Variants in ZEB2 observed in about 807,000 individuals in gnomAD.
ZEB2 encodes the protein zinc finger E-box-binding homeobox 2.
ZEB2 carries 6 observed loss-of-function variants against 99.9 expected under a neutral mutation model. The observed-to-expected ratio is 0.06, with a 90% confidence interval of 0.03 to 0.12. The LOEUF (loss-of-function observed/expected upper bound fraction) is 0.12. ZEB2 is among the 10% of genes least tolerant of loss of function. The pLI is 1.00. For synonymous variants in ZEB2, 517 were observed against 542.5 expected (o/e 0.95, Z 0.65); for missense variants, 969 against 1,502.8 (o/e 0.64, Z 5.87).
rs891570300 is a variant in ZEB2 at position 144,491,369 on chromosome 2, A to AC, written c.73+25908_73+25909insG. Among the ~76,000 whole-genome samples, 6 of 152,186 alleles carry AC rather than the reference A, an allele frequency of 3.9e-5. No homozygotes were observed. The South Asian group carries it at 8.3e-4, about 21-fold the overall frequency. ...TTTCTTCTCAAGAGAAAAAAAAAAAAAAAAACGACCTAATACTGTTAATGA... is the reference window on the plus strand; with the variant it reads ...TTTCTTCTCAAGAGAAAAAAAAAAAACAAAAACGACCTAATACTGTTAATGA... On this transcript the variant is annotated intron_variant, in intron 2 of 9. Transcript: ENST00000627532.
At chr2:144,435,048 T>A (rs1381710226) in intron 2 of ZEB2, among the ~76,000 whole-genome samples, 1 of 152,190 alleles carries the variant, frequency 6.6e-6, no homozygotes, top group Non-Finnish European at 1.5e-5. Flanking sequence ...ACTGGTATAA[T>A]CACTGAAATA....
intron 2 of ZEB2, among the ~76,000 whole-genome samples, chr2:144,505,622 G>A (rs1704942814): frequency 6.6e-6 from 1 of 152,178 alleles, no homozygotes; most frequent in Non-Finnish European, 1.5e-5. Flanking sequence ...CTGGGAGTGG[G>A]GGGTGTGGTT....
At chr2:144,409,683 C>CA (rs1703432655) in intron 4 of ZEB2, among the ~76,000 whole-genome samples, 1 of 151,832 alleles carries the variant, frequency 6.6e-6, no homozygotes. Flanking sequence ...TTTCTCTATC[C>CA]AAAAAAAGAA....
Position 144,448,201 on chromosome 2 carries a change from C to T in ZEB2, c.74-18175G>A, listed in dbSNP as rs190865924. Among the ~76,000 whole-genome samples the T allele has an allele frequency of 8.6e-4, 131 of 152,232 alleles. 2 individuals are homozygous for T. In the East Asian group the frequency reaches 0.024, roughly 28 times the overall value. ...TTACAGTGGTAAGATTTTATTTTTA[C>T]TCCGTTTCTAAGTTGGATAAAGGGC... On this transcript the variant is annotated intron_variant, in intron 2 of 9. Coordinates refer to ENST00000627532, the MANE Select transcript of ZEB2 (RefSeq NM_014795.4).
At chr2:144,395,083 C>A (rs1474609257) in intron 9 of ZEB2, among the ~76,000 whole-genome samples, 2 of 149,386 alleles carry the variant, frequency 1.3e-5, no homozygotes, top group African/African-American at 2.5e-5. Flanking sequence ...GCAGCATCGA[C>A]CTCTTGGGCT....
chr2:144,478,965 C>T (rs558034869), intron 2 of ZEB2, among the ~76,000 whole-genome samples: 24 of 152,222 alleles, frequency 1.6e-4, no homozygotes, highest in Non-Finnish European at 2.4e-4. Context: ...GCTACAGTAA[C>T]GTATAAAAAT....
At chr2:144,513,558 G>C (rs1164831129) in intron 2 of ZEB2, 9 of 1,528,728 alleles carry the variant, frequency 5.9e-6, no homozygotes, top group Non-Finnish European at 7.0e-6. Flanking sequence ...TTTGATTTTT[G>C]CTACAACGTG....
At chr2:144,443,288 C>T (rs1277183107) in intron 2 of ZEB2, among the ~76,000 whole-genome samples, 1 of 152,036 alleles carries the variant, frequency 6.6e-6, no homozygotes, top group Non-Finnish European at 1.5e-5. Flanking sequence ...AGTTTTTTAG[C>T]TAAAGGGCCA....
chr2:144,478,604 A>G (rs139871755), intron 2 of ZEB2, among the ~76,000 whole-genome samples: 111 of 152,366 alleles, frequency 7.3e-4, no homozygotes, highest in African/African-American at 2.5e-3. Context: ...AGGAAACACA[A>G]TGAAAACACT....
At chr2:144,473,601 G>A (rs184839497) in intron 2 of ZEB2, among the ~76,000 whole-genome samples, 12 of 152,282 alleles carry the variant, frequency 7.9e-5, no homozygotes, top group African/African-American at 2.4e-4. Flanking sequence ...GCTGTCAGGT[G>A]TGCAGGAATC....
At chr2:144,469,495 T>C (rs1471135697) in intron 2 of ZEB2, among the ~76,000 whole-genome samples, 3 of 152,154 alleles carry the variant, frequency 2.0e-5, no homozygotes, top group African/African-American at 7.2e-5. Context: ...ATTCTACACC[T>C]AGCCCATAAC....
chr2:144,411,312 A>G (rs1369169292), intron 4 of ZEB2, among the ~76,000 whole-genome samples: 2 of 151,924 alleles, frequency 1.3e-5, no homozygotes, highest in Non-Finnish European at 2.9e-5. Flanking sequence ...TTTTGTTAAC[A>G]TCTCAGATGA....
intron 2 of ZEB2, among the ~76,000 whole-genome samples, chr2:144,502,264 A>G (rs1363327975): frequency 6.6e-6 from 1 of 152,212 alleles, no homozygotes; most frequent in Non-Finnish European, 1.5e-5. Flanking sequence ...GAATGGAGGT[A>G]AAAATAACCT....
chr2:144,481,178 C>T (rs537248461), intron 2 of ZEB2, among the ~76,000 whole-genome samples: 65 of 152,238 alleles, frequency 4.3e-4, no homozygotes, highest in African/African-American at 1.3e-3. Flanking sequence ...GAACTAATTG[C>T]TTCAGGCGCT....
chr2:144,514,170 A>G, intron 2 of ZEB2: 1 of 230,608 alleles, frequency 4.3e-6, no homozygotes, highest in Non-Finnish European at 8.7e-6. Flanking sequence ...CTCTCTTTGT[A>G]CATTTATTTT....
chr2:144,500,150 A>C (rs369536759), intron 2 of ZEB2, among the ~76,000 whole-genome samples: 1 of 152,204 alleles, frequency 6.6e-6, no homozygotes. Context: ...TGATTCTTAC[A>C]GGCAATTTCT....
At chr2:144,470,044 T>C (rs1454441822) in intron 2 of ZEB2, among the ~76,000 whole-genome samples, 1 of 152,172 alleles carries the variant, frequency 6.6e-6, no homozygotes, top group Non-Finnish European at 1.5e-5. Context: ...AACAGCTTAT[T>C]TAAATTGCAA....
chr2:144,466,980 C>T (rs562850073), intron 2 of ZEB2, among the ~76,000 whole-genome samples: 10 of 152,206 alleles, frequency 6.6e-5, no homozygotes, highest in African/African-American at 9.6e-5. Flanking sequence ...TTTCCTGCCG[C>T]GCAACAATTA....
intron 2 of ZEB2, among the ~76,000 whole-genome samples, chr2:144,493,451 T>A (rs1339660235): frequency 2.0e-5 from 3 of 152,206 alleles, no homozygotes; most frequent in Admixed American, 2.0e-4. Flanking sequence ...CAGGGGCACA[T>A]GGCATGGAGA....
Sources: gnomAD v4.1 joint callset for allele counts (sites outside exome capture counted in the v4.1 genomes callset) on GRCh38, gnomAD v4.1.1 for gene constraint, MANE v1.5 for transcripts, NCBI Gene and HGNC (gene_info 2026-07-23, HGNC 2026-07-21) for gene names.